The following ABI2 variants were observed in gnomAD, a reference collection of about 807,000 sequenced individuals.
ABI2 encodes abl interactor 2.
Under a neutral mutation model 59.2 loss-of-function variants are expected in ABI2, and 25 were observed. That is an observed-to-expected ratio of 0.42 (90% CI 0.31 to 0.59). The LOEUF is 0.59. ABI2 is among the 20% of genes least tolerant of loss of function. The pLI, the probability that ABI2 is intolerant of heterozygous loss-of-function variation, is 0.14. For missense variants in ABI2, 545 were observed against 681.8 expected (o/e 0.80, Z 2.23); for synonymous variants, 213 against 235.5 (o/e 0.90, Z 0.87).
chr2:203,410,170 C>T (rs772178472), intron 9 of ABI2, among the ~76,000 whole-genome samples: 12 of 152,172 alleles, frequency 7.9e-5, no homozygotes, highest in Non-Finnish European at 1.5e-4. Flanking sequence ...CATTGTAGCC[C>T]TCCTTACCTC....
At chr2:203,338,969 T>TATATATATATAA (rs2078102066) in intron 1 of ABI2, among the ~76,000 whole-genome samples, 1 of 10,566 alleles carries the variant, frequency 9.5e-5, no homozygotes, top group Non-Finnish European at 2.1e-4. Context: ...TATAAATATA[T>TATATATATATAA]ATATATATAT....
intron 11 of ABI2, among the ~76,000 whole-genome samples, chr2:203,418,546 C>A (rs1268934824): frequency 2.0e-5 from 3 of 152,360 alleles, no homozygotes; most frequent in African/African-American, 7.2e-5. Context: ...TTCTGGATCA[C>A]ATAGGCTTCT....
At chr2:203,340,554 C>T (rs1006758639) in intron 1 of ABI2, among the ~76,000 whole-genome samples, 5 of 151,840 alleles carry the variant, frequency 3.3e-5, no homozygotes, top group African/African-American at 1.2e-4. Flanking sequence ...GACGGGGTTT[C>T]GCCCTGTTGC....
At chr2:203,350,580 C>T (rs2087306117) in intron 1 of ABI2, among the ~76,000 whole-genome samples, 1 of 150,904 alleles carries the variant, frequency 6.6e-6, no homozygotes, top group Non-Finnish European at 1.5e-5. Context: ...TAATCTGTCG[C>T]CCAGGCTAGA....
rs60998225 is a variant in ABI2, at chr2:203,350,891, TGCGC to T, written c.118-15979_118-15976del. 1.0e-4 allele frequency among the ~76,000 whole-genome samples: 13 copies of T among 124,192 alleles called. 1 individual carries two copies. The highest frequency in any genetic ancestry group is 8.2e-4 in the East Asian group (3 of 3,644). The allele number at this position is 124,192 out of a possible 152,430, so 81.5% of individuals were successfully genotyped here. A position where few individuals can be genotyped will look rare whatever the true frequency, so the allele number is the denominator to read the frequency against. On this transcript the variant is annotated intron_variant, in intron 1 of 11. Transcript: ENST00000261018. ...GTGTGTGTGTGTGTGTGTGTGTGTG[TGCGC>T]GCGCGCATACTTTTAGGTGTTATAT...
chr2:203,374,504 A>G (rs910772054), intron 2 of ABI2, among the ~76,000 whole-genome samples: 1 of 148,986 alleles, frequency 6.7e-6, no homozygotes. Context: ...GTCTCAAAAA[A>G]AAAAAAAAAA....
At chr2:203,417,217 A>G (rs2097929673) in intron 11 of ABI2, 136 bp downstream of exon 11, 1 of 793,788 alleles carries the variant, frequency 1.3e-6, no homozygotes, top group African/African-American at 1.8e-5. Flanking sequence ...TACTGAGTTT[A>G]CAAGGTTCAT....
At chr2:203,385,093 A>G (rs1347254705) in intron 4 of ABI2, among the ~76,000 whole-genome samples, 2 of 147,810 alleles carry the variant, frequency 1.4e-5, no homozygotes, top group Non-Finnish European at 3.0e-5. Flanking sequence ...TCGGCCTCCC[A>G]AAGTGTTGGG....
intron 2 of ABI2, among the ~76,000 whole-genome samples, chr2:203,374,346 A>G (rs985168654): frequency 6.6e-6 from 1 of 151,960 alleles, no homozygotes; most frequent in Non-Finnish European, 1.5e-5. Flanking sequence ...CTAAAAATAC[A>G]AAAATTAGCT....
intron 4 of ABI2, among the ~76,000 whole-genome samples, chr2:203,385,306 T>C (rs1339488538): frequency 6.6e-6 from 1 of 151,304 alleles, no homozygotes; most frequent in Non-Finnish European, 1.5e-5. Context: ...TAATTTTTTG[T>C]ATTTTTAGTA....
At chr2:203,345,239 C>T (rs754077759) in intron 1 of ABI2, among the ~76,000 whole-genome samples, 10 of 152,162 alleles carry the variant, frequency 6.6e-5, no homozygotes, top group Non-Finnish European at 1.5e-4. Flanking sequence ...TAACTCCAGA[C>T]ACGCCATTTT....
intron 2 of ABI2, among the ~76,000 whole-genome samples, chr2:203,373,322 G>C (rs1265020167): frequency 6.6e-6 from 1 of 152,230 alleles, no homozygotes; most frequent in Non-Finnish European, 1.5e-5. Context: ...AACCAGTCAG[G>C]CGTGGCGGCG....
chr2:203,333,985 G>A (rs1235122174), intron 1 of ABI2, among the ~76,000 whole-genome samples: 1 of 148,624 alleles, frequency 6.7e-6, no homozygotes, highest in African/African-American at 2.5e-5. Flanking sequence ...CCTTTGCCCA[G>A]GTTAGAGTGC....
chr2:203,374,043 C>CAGCT (rs2095507150), intron 2 of ABI2, among the ~76,000 whole-genome samples: 1 of 152,072 alleles, frequency 6.6e-6, no homozygotes, highest in Non-Finnish European at 1.5e-5. Flanking sequence ...CTTGTAGTCC[C>CAGCT]AGCTACTCAG....
intron 1 of ABI2, among the ~76,000 whole-genome samples, chr2:203,342,467 T>C (rs1024765041): frequency 6.6e-5 from 10 of 152,198 alleles, no homozygotes; most frequent in African/African-American, 2.4e-4. Context: ...CAACAAGGGA[T>C]GCCAGCATCT....
intron 1 of ABI2, among the ~76,000 whole-genome samples, chr2:203,332,348 C>T (rs1010998870): frequency 5.9e-5 from 9 of 151,920 alleles, no homozygotes; most frequent in South Asian, 4.2e-4. Context: ...ACACCTAGGC[C>T]GGGCACGGTG....
chr2:203,419,022 T>C (rs1417296443), intron 11 of ABI2, among the ~76,000 whole-genome samples: 3 of 152,076 alleles, frequency 2.0e-5, no homozygotes, highest in Non-Finnish European at 2.9e-5. Context: ...AGTCAGAGAA[T>C]TGAGCAAAAT....
intron 5 of ABI2, 49 bp from the exon 6 acceptor site, chr2:203,394,651 G>T (rs374916082): frequency 1.3e-5 from 21 of 1,559,872 alleles, no homozygotes; most frequent in African/African-American, 4.1e-5. Flanking sequence ...TGAATTTATT[G>T]TGCCGAAACT....
chr2:203,426,391 A>T (rs2098425299), intron 11 of ABI2, among the ~76,000 whole-genome samples: 1 of 152,210 alleles, frequency 6.6e-6, no homozygotes, highest in African/African-American at 2.4e-5. Flanking sequence ...ATACTTGGGA[A>T]CCAGAGATTA....
Sources: gnomAD v4.1 joint callset for allele counts (sites outside exome capture counted in the v4.1 genomes callset) on GRCh38, gnomAD v4.1.1 for gene constraint, MANE v1.5 for transcripts, NCBI Gene and HGNC (gene_info 2026-07-23, HGNC 2026-07-21) for gene names.